The following FRMPD4 variants were observed in gnomAD, a reference collection of about 807,000 sequenced individuals.
FRMPD4 encodes FERM and PDZ domain containing 4.
Under a neutral mutation model 94.1 loss-of-function variants are expected in FRMPD4, and 22 were observed. That is an observed-to-expected ratio of 0.23 (90% confidence interval 0.17 to 0.33). The LOEUF is 0.33. Among genes scored for constraint, FRMPD4 ranks in the 10% least tolerant of loss-of-function variants. The probability of loss-of-function intolerance (pLI) is 1.00; values close to 1 mark genes in which losing one functional copy is unlikely to be tolerated. For synonymous variants in FRMPD4, 631 were observed against 548.6 expected, an observed-to-expected ratio of 1.15 and a Z score of -2.10; for missense variants, 1,111 against 1,339.9, an observed-to-expected ratio of 0.83 and a Z score of 2.67.
intron 3 of FRMPD4, among the ~76,000 whole-genome samples, chrX:11,971,439 G>A (rs148223474): frequency 8.9e-6 from 1 of 112,971 alleles, no homozygotes; most frequent in Non-Finnish European, 1.9e-5. Flanking sequence ...TCAGTAGAAT[G>A]TGAGCTGTTC....
chrX:11,925,757 T>A (rs1480255243), intron 3 of FRMPD4, among the ~76,000 whole-genome samples: 1 of 110,842 alleles, frequency 9.0e-6, no homozygotes, highest in Non-Finnish European at 1.9e-5. Context: ...TAAGACAGAG[T>A]TAGGAGGGAA....
Position 11,842,442 on chromosome X carries a change from TCTC to T in FRMPD4, c.-161+19730_-161+19732del, listed in dbSNP as rs1406368035. ...ATTTCATTGAGCAGTGGTTTGTAGT[TCTC>T]CTTGAAGAGGTCCTTCACGTCCCTT... On this transcript the variant is annotated intron_variant, in intron 1 of 18. Coordinates refer to the FRMPD4 transcript ENST00000640291. Among the ~76,000 whole-genome samples, 186 of 94,620 alleles carry T rather than the reference TCTC, an allele frequency of 2.0e-3. 2 individuals are homozygous for T. Among genetic ancestry groups the T allele is most frequent in the African/African-American group, 7.5e-3 (177 of 23,705 alleles). 82.2% of individuals were successfully genotyped at this position (94,620 alleles called of 115,157 possible). A position where few individuals can be genotyped will look rare whatever the true frequency, so the allele number is the denominator to read the frequency against.
chrX:12,018,897 C>T (rs1317167918), intron 3 of FRMPD4, among the ~76,000 whole-genome samples: 1 of 111,971 alleles, frequency 8.9e-6, no homozygotes, highest in African/African-American at 3.3e-5. Flanking sequence ...ATAACACATG[C>T]ACGAATCTCT....
chrX:12,035,306 C>A (rs2054714996), intron 3 of FRMPD4, among the ~76,000 whole-genome samples: 1 of 111,321 alleles, frequency 9.0e-6, no homozygotes, highest in Non-Finnish European at 1.9e-5. Flanking sequence ...GCTTATACAA[C>A]ACCACAAAGT....
At chrX:12,084,855 G>A (rs778679993) in intron 3 of FRMPD4, among the ~76,000 whole-genome samples, 15 of 112,090 alleles carry the variant, frequency 1.3e-4, no homozygotes, top group Non-Finnish European at 2.4e-4. Flanking sequence ...GCACATTGAC[G>A]ACATAAAAGC....
intron 1 of FRMPD4, among the ~76,000 whole-genome samples, chrX:12,217,210 G>A (rs2056816981): frequency 9.0e-6 from 1 of 111,598 alleles, no homozygotes; most frequent in African/African-American, 3.3e-5. Flanking sequence ...CTTGGTTTTG[G>A]ACTCTCCCCT....
In FRMPD4 at chrX:12,473,810, T is replaced by C. The variant is rs1205392585; in HGVS notation, c.42-24870T>C. Among the ~76,000 whole-genome samples, 3 of 110,220 alleles carry C rather than the reference T, an allele frequency of 2.7e-5. No homozygotes were observed. The Admixed American group carries it at 2.8e-4, about 10-fold the overall frequency. On this transcript the variant is annotated intron_variant, in intron 1 of 16. Coordinates refer to ENST00000675598, the MANE Select transcript of FRMPD4 (RefSeq NM_001368397.1). ...CCCAATATAGGAGCACCCAGATTCA[T>C]AAAGCAAGTCCTTAGAGACCTACAA... is the stretch of plus-strand genomic sequence containing the variant.
intron 3 of FRMPD4, among the ~76,000 whole-genome samples, chrX:12,000,142 T>C (rs2054517267): frequency 8.9e-6 from 1 of 112,180 alleles, no homozygotes. Flanking sequence ...CACTTTATTG[T>C]ATTTTACCCA....
intron 1 of FRMPD4, among the ~76,000 whole-genome samples, chrX:12,339,999 T>C (rs1341807408): frequency 8.9e-6 from 1 of 112,061 alleles, no homozygotes; most frequent in Non-Finnish European, 1.9e-5. Context: ...ATTCTAAGAG[T>C]TGATTCGAAC....
intron 1 of FRMPD4, among the ~76,000 whole-genome samples, chrX:12,158,598 G>C (rs999810249): frequency 8.9e-6 from 1 of 111,837 alleles, no homozygotes; most frequent in African/African-American, 3.2e-5. Context: ...CTCTGTCTTT[G>C]AACATAATAT....
At chrX:12,381,735 T>C (rs2056321487) in intron 1 of FRMPD4, among the ~76,000 whole-genome samples, 1 of 111,469 alleles carries the variant, frequency 9.0e-6, no homozygotes, top group African/African-American at 3.3e-5. Context: ...AATCCAGAGG[T>C]AGAGTCTGAG....
intron 4 of FRMPD4, among the ~76,000 whole-genome samples, chrX:12,618,064 C>G (rs1031300000): frequency 1.3e-4 from 15 of 111,608 alleles, no homozygotes; most frequent in African/African-American, 4.6e-4. Flanking sequence ...CTAACTCAGA[C>G]TGTATAATGG....
intron 1 of FRMPD4, among the ~76,000 whole-genome samples, chrX:12,445,723 A>G (rs1488665969): frequency 8.9e-6 from 1 of 112,774 alleles, no homozygotes; most frequent in African/African-American, 3.2e-5. Context: ...TATAGCAACT[A>G]GACAGGAATA....
chrX:12,167,358 C>T (rs1463987483), intron 1 of FRMPD4, among the ~76,000 whole-genome samples: 12 of 111,773 alleles, frequency 1.1e-4, no homozygotes, highest in African/African-American at 3.9e-4. Flanking sequence ...TGTAGTTGAG[C>T]AGTTTTGAGT....
intron 4 of FRMPD4, among the ~76,000 whole-genome samples, chrX:12,645,159 C>T (rs1354080942): frequency 9.1e-6 from 1 of 109,973 alleles, no homozygotes; most frequent in African/African-American, 3.3e-5. Flanking sequence ...AAAAATAAGA[C>T]TTTACAATAT....
At chrX:11,898,290 C>G (rs893654320) in intron 3 of FRMPD4, among the ~76,000 whole-genome samples, 1 of 111,698 alleles carries the variant, frequency 9.0e-6, no homozygotes, top group African/African-American at 3.3e-5. Flanking sequence ...TAAGAAGACT[C>G]TATGGACAGG....
intron 1 of FRMPD4, among the ~76,000 whole-genome samples, chrX:12,215,407 C>T (rs1428552377): frequency 2.7e-5 from 3 of 111,059 alleles, no homozygotes; most frequent in Non-Finnish European, 3.8e-5. Context: ...TAACCTCCTG[C>T]CCCTTGTGTC....
chrX:12,534,332 T>C (rs1434607438), intron 2 of FRMPD4, among the ~76,000 whole-genome samples: 4 of 112,534 alleles, frequency 3.6e-5, no homozygotes, highest in Non-Finnish European at 7.5e-5. Context: ...ATGGAGAACC[T>C]CTACTAGGGC....
At chrX:12,436,219 G>A (rs778921133) in intron 1 of FRMPD4, among the ~76,000 whole-genome samples, 7 of 111,104 alleles carry the variant, frequency 6.3e-5, no homozygotes, top group South Asian at 7.8e-4. Context: ...TGGCCTGAGC[G>A]GTCTCAAACT....
Sources: allele counts gnomAD v4.1 joint callset (sites outside exome capture counted in the v4.1 genomes callset), GRCh38; gene constraint gnomAD v4.1.1; transcripts MANE v1.5; gene names NCBI Gene and HGNC (gene_info 2026-07-23, HGNC 2026-07-21).